Variants in RBBP8 observed in about 807,000 individuals in gnomAD.
The protein encoded by RBBP8 is DNA endonuclease RBBP8.
A neutral mutation model predicts 108.3 loss-of-function variants in RBBP8; 88 were observed. The observed-to-expected ratio is 0.81, with a 90% confidence interval of 0.68 to 0.97. The LOEUF (loss-of-function observed/expected upper bound fraction) is 0.97, where lower values mean the gene tolerates loss of function less well. Ranked by LOEUF, RBBP8 falls within the 50% of genes least tolerant of loss-of-function variation. The pLI is 0.00. For synonymous variants in RBBP8, 332 were observed against 348.2 expected (o/e 0.95, Z 0.52); for missense variants, 1,023 against 1,049.0 (o/e 0.98, Z 0.34).
intron 3 of RBBP8, among the ~76,000 whole-genome samples, chr18:22,923,776 G>A (rs2144342597): frequency 6.6e-6 from 1 of 152,208 alleles, no homozygotes; most frequent in Admixed American, 6.5e-5. Context: ...CATAATTTAA[G>A]ACCCTTCAAT....
intron 7 of RBBP8, among the ~76,000 whole-genome samples, chr18:22,983,642 G>A (rs143809524): frequency 0.029 from 1,424 of 49,462 alleles, 23 homozygotes; most frequent in African/African-American, 0.045. Context: ...AATGCTTCTG[G>A]TTTATTTCTT....
At chr18:22,995,170 A>C (rs2045832834) in intron 12 of RBBP8, among the ~76,000 whole-genome samples, 1 of 151,926 alleles carries the variant, frequency 6.6e-6, no homozygotes, top group African/African-American at 2.4e-5. Flanking sequence ...CACAGTCATT[A>C]GTTGTTTTTC....
At chr18:22,941,594 G>C (rs370896977) in intron 2 of RBBP8, among the ~76,000 whole-genome samples, 2 of 151,898 alleles carry the variant, frequency 1.3e-5, no homozygotes, top group African/African-American at 4.8e-5. Context: ...AGAAACAAAT[G>C]GTATACTCTT....
chr18:23,011,614 T>G (rs2046163257), intron 16 of RBBP8, among the ~76,000 whole-genome samples: 2 of 151,944 alleles, frequency 1.3e-5, no homozygotes, highest in Admixed American at 6.6e-5. Context: ...TTTTTTTGTG[T>G]TTTTTTAGTA....
At chr18:22,919,440 A>G (rs1483072375) in intron 3 of RBBP8, among the ~76,000 whole-genome samples, 2 of 152,344 alleles carry the variant, frequency 1.3e-5, no homozygotes, top group Admixed American at 6.5e-5. Flanking sequence ...TATAATTTCA[A>G]TTTAAGTCCA....
At chr18:22,938,395 C>T (rs1037214551) in intron 2 of RBBP8, among the ~76,000 whole-genome samples, 1 of 152,022 alleles carries the variant, frequency 6.6e-6, no homozygotes, top group Non-Finnish European at 1.5e-5. Flanking sequence ...GCTATGTTGC[C>T]CAGGCTGGTC....
At chr18:22,920,715 A>G (rs1909560306) in intron 3 of RBBP8, 1 of 152,222 alleles carries the variant, frequency 6.6e-6, no homozygotes, top group African/African-American at 2.4e-5. Context: ...CTACTATAAT[A>G]ACCTAGCAAT....
intron 8 of RBBP8, among the ~76,000 whole-genome samples, chr18:22,988,820 G>A (rs896850723): frequency 4.6e-5 from 7 of 152,158 alleles, no homozygotes; most frequent in Non-Finnish European, 1.0e-4. Context: ...GAAACATGCA[G>A]TGCTGACAAC....
chr18:22,933,892 G>A (rs1910262140), intron 1 of RBBP8: 1 of 152,328 alleles, frequency 6.6e-6, no homozygotes. Flanking sequence ...CGGAACCGGC[G>A]CGGGCACCTG....
intron 4 of RBBP8, among the ~76,000 whole-genome samples, chr18:22,955,675 T>C (rs1390940852): frequency 6.6e-6 from 1 of 151,986 alleles, no homozygotes; most frequent in African/African-American, 2.4e-5. Flanking sequence ...CCTGCCAGGT[T>C]CACGCCATTC....
chr18:22,935,408 C>T (rs1436286936), intron 1 of RBBP8, among the ~76,000 whole-genome samples: 1 of 150,462 alleles, frequency 6.6e-6, no homozygotes, highest in Non-Finnish European at 1.5e-5. Flanking sequence ...AACAAAACCG[C>T]ATCATTATCA....
Position 23,001,621 on chromosome 18 carries a change from A to G in RBBP8, c.2179A>G (p.Met727Val), listed in dbSNP as rs756137395. The G allele has an allele frequency of 1.2e-5, 20 of 1,614,012 alleles. No homozygotes were observed. The highest frequency in any genetic ancestry group is 1.6e-5 in the Non-Finnish European group (19 of 1,180,010). The stretch of plus-strand genomic sequence containing the variant: ...AAAAATGAATGATAGCTTGGAAGAT[A>G]TGTTTGATCGGACAACACATGAAGA... ...ERKMNDSLED[M>V]FDRTTHEEYE... The change falls in exon 15 of 19, where the codon ATG becomes GTG. Residue 727 changes from methionine (M) to valine (V), a missense_variant. Met to Val is a conservative substitution (Grantham distance 21). Transcript: ENST00000327155.
intron 4 of RBBP8, among the ~76,000 whole-genome samples, chr18:22,968,499 G>C (rs150120159): frequency 6.6e-5 from 10 of 152,090 alleles, no homozygotes; most frequent in Non-Finnish European, 1.5e-4. Context: ...TCTACCCCTT[G>C]GTATTAGACT....
chr18:23,014,030 C>T, intron 16 of RBBP8, among the ~76,000 whole-genome samples: 1 of 152,118 alleles, frequency 6.6e-6, no homozygotes, highest in East Asian at 1.9e-4. Flanking sequence ...GACAGAGTCT[C>T]ACTCTGTCAC....
intron 6 of RBBP8, among the ~76,000 whole-genome samples, chr18:22,981,097 G>A (rs908167054): frequency 1.4e-5 from 2 of 146,658 alleles, no homozygotes; most frequent in Admixed American, 1.4e-4. Flanking sequence ...TCAGTCTCCC[G>A]GGAGCTGGGA....
At chr18:22,928,610 G>C (rs905917476), upstream of RBBP8, among the ~76,000 whole-genome samples, 7 of 152,114 alleles carry the variant, frequency 4.6e-5, no homozygotes, top group African/African-American at 1.7e-4. Context: ...GACTGTGCAA[G>C]GATAAGAGCT....
chr18:23,014,657 GAATAA>G (rs1339381852), intron 16 of RBBP8, among the ~76,000 whole-genome samples: 36 of 152,028 alleles, frequency 2.4e-4, no homozygotes, highest in Non-Finnish European at 1.0e-4. Context: ...AAATAATAAT[GAATAA>G]AATAAAATGT....
chr18:23,026,028 C>T (rs967238260), intron 18 of RBBP8, 115 bp from the exon 19 acceptor site: 2 of 839,292 alleles, frequency 2.4e-6, no homozygotes, highest in South Asian at 1.5e-5. Context: ...AGCTAATAAT[C>T]AGAAGAATCA....
At chr18:22,982,180 A>C (rs750817155) in intron 6 of RBBP8, 38 bp from the exon 7 acceptor site, 13 of 1,585,734 alleles carry the variant, frequency 8.2e-6, no homozygotes, top group Non-Finnish European at 8.6e-6. Flanking sequence ...TTTAATACTC[A>C]TTGAATTGAT....
Sources: allele counts gnomAD v4.1 joint callset (sites outside exome capture counted in the v4.1 genomes callset), GRCh38; gene constraint gnomAD v4.1.1; transcripts MANE v1.5; gene names NCBI Gene and HGNC (gene_info 2026-07-23, HGNC 2026-07-21).